Variants in UNC5D observed in about 807,000 individuals in gnomAD.
UNC5D encodes the protein unc-5 netrin receptor D.
Under a neutral mutation model 105.4 loss-of-function variants are expected in UNC5D, and 39 were observed. That is an observed-to-expected ratio of 0.37 (90% CI 0.29 to 0.48). UNC5D has a LOEUF of 0.48. UNC5D is among the 20% of genes least tolerant of loss of function. The pLI, the probability that UNC5D is intolerant of heterozygous loss-of-function variation, is 0.98. For missense variants in UNC5D, 991 were observed against 1,202.4 expected, an observed-to-expected ratio of 0.82 and a Z score of 2.60; for synonymous variants, 452 against 450.4, an observed-to-expected ratio of 1.00 and a Z score of -0.04.
intron 1 of UNC5D, among the ~76,000 whole-genome samples, chr8:35,370,834 A>G (rs371188615): frequency 6.6e-6 from 1 of 152,222 alleles, no homozygotes; most frequent in African/African-American, 2.4e-5. Flanking sequence ...AATGTAGTCA[A>G]CCACATCTGA....
intron 2 of UNC5D, among the ~76,000 whole-genome samples, chr8:35,555,338 AGC>A: frequency 6.6e-6 from 1 of 152,320 alleles, no homozygotes. Context: ...TGTTTCCTAT[AGC>A]CAATTTAGCT....
intron 4 of UNC5D, among the ~76,000 whole-genome samples, chr8:35,613,635 G>A (rs1428525245): frequency 6.6e-6 from 1 of 152,128 alleles, no homozygotes; most frequent in Non-Finnish European, 1.5e-5. Context: ...GGTCACTTGA[G>A]GCCAGGAGTA....
At chr8:35,624,937 TTAA>T (rs1563604539) in intron 4 of UNC5D, among the ~76,000 whole-genome samples, 1 of 151,296 alleles carries the variant, frequency 6.6e-6, no homozygotes, top group East Asian at 1.9e-4. Context: ...TACGGGAATG[TTAA>T]TTATTATTAA....
intron 1 of UNC5D, among the ~76,000 whole-genome samples, chr8:35,477,451 T>C (rs2129926147): frequency 6.6e-6 from 1 of 152,254 alleles, no homozygotes; most frequent in Non-Finnish European, 1.5e-5. Flanking sequence ...CTCTGGTTTC[T>C]TTTTTCACAG....
intron 4 of UNC5D, among the ~76,000 whole-genome samples, chr8:35,671,069 CCTTTT>C (rs773968165): frequency 1.3e-4 from 20 of 152,024 alleles, no homozygotes; most frequent in Admixed American, 7.9e-4. Flanking sequence ...CCCTTCTGTC[CCTTTT>C]CTTCTCCTCC....
intron 4 of UNC5D, among the ~76,000 whole-genome samples, chr8:35,677,889 TC>T (rs1825362951): frequency 8.9e-6 from 1 of 112,786 alleles, no homozygotes; most frequent in Non-Finnish European, 2.2e-5. Flanking sequence ...TGTGTGAGTG[TC>T]TGTGTGTGTG....
At chr8:35,503,311 C>T (rs1014196591) in intron 1 of UNC5D, among the ~76,000 whole-genome samples, 1 of 152,110 alleles carries the variant, frequency 6.6e-6, no homozygotes, top group East Asian at 1.9e-4. Context: ...CACAGTTCCA[C>T]GTAGCTGGGG....
intron 1 of UNC5D, among the ~76,000 whole-genome samples, chr8:35,505,627 G>A (rs1326028128): frequency 6.6e-6 from 1 of 152,262 alleles, no homozygotes; most frequent in Non-Finnish European, 1.5e-5. Flanking sequence ...ATTGCAGTGA[G>A]TGGGGAAATG....
At chr8:35,603,602 G>A (rs1586227598) in intron 4 of UNC5D, among the ~76,000 whole-genome samples, 2 of 151,656 alleles carry the variant, frequency 1.3e-5, no homozygotes, top group South Asian at 4.2e-4. Flanking sequence ...TATCCTTGTT[G>A]ACTTTCTGTC....
At chr8:35,716,873 T>C (rs1452180612) in intron 8 of UNC5D, among the ~76,000 whole-genome samples, 1 of 152,228 alleles carries the variant, frequency 6.6e-6, no homozygotes, top group Non-Finnish European at 1.5e-5. Context: ...TGACAACATA[T>C]ATAAACAACT....
chr8:35,469,196 A>C (rs1809532310), intron 1 of UNC5D, among the ~76,000 whole-genome samples: 1 of 152,186 alleles, frequency 6.6e-6, no homozygotes, highest in Non-Finnish European at 1.5e-5. Context: ...TATCAGGAGG[A>C]AGTATACTTA....
intron 4 of UNC5D, among the ~76,000 whole-genome samples, chr8:35,650,831 AT>A (rs1356434499): frequency 6.6e-6 from 1 of 152,116 alleles, no homozygotes; most frequent in East Asian, 1.9e-4. Flanking sequence ...GGGAGTGAGA[AT>A]TTACATTACT....
chr8:35,714,770 G>A lies in UNC5D; in HGVS notation c.1118-7440G>A, dbSNP rs569648118. Among the ~76,000 whole-genome samples the A allele has an allele frequency of 5.3e-5, 8 of 152,352 alleles. No individual in the cohort carries two copies. The South Asian group carries it at 1.7e-3, about 32-fold the overall frequency. ...GGTTTAGGCACATACAGACTTTACA[G>A]TGTATGGAAACAATCACATGATGTA... On this transcript the variant is annotated intron_variant, in intron 8 of 16. Coordinates refer to ENST00000404895, the MANE Select transcript of UNC5D (RefSeq NM_080872.4).
At chr8:35,585,034 G>T (rs1818695524) in intron 3 of UNC5D, among the ~76,000 whole-genome samples, 1 of 152,186 alleles carries the variant, frequency 6.6e-6, no homozygotes, top group East Asian at 1.9e-4. Context: ...AAAGCATTTT[G>T]GAAAACTACA....
At chr8:35,604,581 A>G (rs993913002) in intron 4 of UNC5D, among the ~76,000 whole-genome samples, 9 of 152,036 alleles carry the variant, frequency 5.9e-5, no homozygotes, top group Non-Finnish European at 1.2e-4. Context: ...CTGAATTTGA[A>G]TGTTGGCCTG....
At chr8:35,641,389 A>T (rs929053346) in intron 4 of UNC5D, among the ~76,000 whole-genome samples, 2 of 151,146 alleles carry the variant, frequency 1.3e-5, no homozygotes. Context: ...AAAAAAAGAA[A>T]AAAAAAAACA....
intron 4 of UNC5D, among the ~76,000 whole-genome samples, chr8:35,652,025 T>C (rs571216614): frequency 6.6e-6 from 1 of 152,278 alleles, no homozygotes; most frequent in African/African-American, 2.4e-5. Flanking sequence ...CACTAAAAAA[T>C]AAGCCAAATC....
intron 1 of UNC5D, among the ~76,000 whole-genome samples, chr8:35,300,828 G>A (rs1807898653): frequency 6.6e-6 from 1 of 152,078 alleles, no homozygotes; most frequent in Non-Finnish European, 1.5e-5. Flanking sequence ...TCTTTGTATT[G>A]AAAAAATCAA....
intron 1 of UNC5D, among the ~76,000 whole-genome samples, chr8:35,482,602 ATT>A (rs1438908028): frequency 6.6e-6 from 1 of 152,082 alleles, no homozygotes; most frequent in Non-Finnish European, 1.5e-5. Context: ...TGTTAATAAT[ATT>A]TCATTAATTT....
Sources: allele counts gnomAD v4.1 joint callset (sites outside exome capture counted in the v4.1 genomes callset), GRCh38; gene constraint gnomAD v4.1.1; transcripts MANE v1.5; gene names NCBI Gene and HGNC (gene_info 2026-07-23, HGNC 2026-07-21).